Variants in PTPN13 observed in about 807,000 individuals in gnomAD.
PTPN13 encodes tyrosine-protein phosphatase non-receptor type 13.
PTPN13 carries 191 observed loss-of-function variants against 284.0 expected under a neutral mutation model. That is an observed-to-expected ratio of 0.67 (90% CI 0.60 to 0.76). The LOEUF is 0.76. PTPN13 is among the 30% of genes least tolerant of loss of function. PTPN13 has a pLI of 0.00. For missense variants in PTPN13, 2,797 were observed against 2,939.9 expected (o/e 0.95, Z 1.12); for synonymous variants, 986 against 1,022.3 (o/e 0.96, Z 0.68).
intron 20 of PTPN13, among the ~76,000 whole-genome samples, chr4:86,756,959 T>C (rs1738048045): frequency 6.6e-6 from 1 of 152,160 alleles, no homozygotes; most frequent in South Asian, 2.1e-4. Context: ...TAGAGTTGAA[T>C]TTGAAAATTC....
rs1335400885 is a variant in PTPN13, at chr4:86,758,414, A to G, written c.3313+65A>G. On this transcript the variant is annotated intron_variant, in intron 21 of 47. Transcript: ENST00000411767. ...GGGATTCAGAGGAAAAGTCTATAGC[A>G]TAGCATTGGCATTGCAGTGCCAGCT... The G allele has an allele frequency of 1.1e-5, 15 of 1,347,020 alleles. No individual in the cohort carries two copies. In the South Asian group the frequency reaches 1.9e-4, roughly 17 times the overall value. The allele number at this position is 1,347,020 out of a possible 1,614,324, so 83.4% of individuals were successfully genotyped here.
At chr4:86,689,478 C>A in intron 5 of PTPN13, 1 of 570,092 alleles carries the variant, frequency 1.8e-6, no homozygotes, top group South Asian at 2.5e-5. Context: ...AGATCTTTTC[C>A]CAAGGAGCTT....
intron 45 of PTPN13, 47 bp downstream of exon 45, chr4:86,807,944 G>A: frequency 6.6e-7 from 1 of 1,505,062 alleles, no homozygotes. Context: ...TCTCCTAGTT[G>A]TAATCCAAGC....
intron 35 of PTPN13, among the ~76,000 whole-genome samples, chr4:86,778,203 A>G (rs1565556021): frequency 6.6e-6 from 1 of 152,202 alleles, no homozygotes; most frequent in Non-Finnish European, 1.5e-5. Context: ...TCCACCTTCT[A>G]GAGACTCCTC....
intron 40 of PTPN13, among the ~76,000 whole-genome samples, chr4:86,793,062 G>A (rs1437843298): frequency 1.3e-5 from 2 of 152,140 alleles, no homozygotes; most frequent in South Asian, 2.1e-4. Context: ...GACACAGACT[G>A]GCAATTGGAT....
intron 40 of PTPN13, among the ~76,000 whole-genome samples, chr4:86,792,718 G>A (rs979435572): frequency 1.5e-4 from 23 of 152,176 alleles, no homozygotes; most frequent in African/African-American, 5.1e-4. Context: ...CATTCTTAAA[G>A]GAAAGAATGT....
rs1223358195 is a variant in PTPN13, at chr4:86,807,642, G to T, written c.6828G>T (p.Glu2276Asp). ...TTAAGATACCAGTTGGGAAAGAAGA[G>T]TTCGTTTACATTGCCTGCCAAGGAC... is the stretch of plus-strand genomic sequence containing the variant. ...SFIKIPVGKE[E>D]FVYIACQGPL... Residue 2276 changes from glutamate to aspartate, a missense_variant, in exon 45 of 48, where the codon GAG (glutamate) becomes GAT (aspartate). Glu to Asp is a conservative substitution (Grantham distance 45). Transcript: ENST00000411767. 2 of 1,614,002 alleles carry T rather than the reference G, an allele frequency of 1.2e-6. No individual in the cohort carries two copies. Among genetic ancestry groups the T allele is most frequent in the Non-Finnish European group, 1.7e-6 (2 of 1,179,886 alleles).
chr4:86,670,640 T>G (rs1326093642), intron 2 of PTPN13, among the ~76,000 whole-genome samples: 1 of 152,222 alleles, frequency 6.6e-6, no homozygotes, highest in Non-Finnish European at 1.5e-5. Context: ...GTCTTCCTAA[T>G]TGGTCTCCTA....
At chr4:86,604,679 G>A (rs937276012) in intron 1 of PTPN13, among the ~76,000 whole-genome samples, 9 of 151,794 alleles carry the variant, frequency 5.9e-5, no homozygotes, top group South Asian at 2.1e-4. Flanking sequence ...AGCATTATTC[G>A]ACCATTTAAA....
At chr4:86,649,248 CA>C (rs1724806700) in intron 2 of PTPN13, among the ~76,000 whole-genome samples, 1 of 151,986 alleles carries the variant, frequency 6.6e-6, no homozygotes, top group South Asian at 2.1e-4. Flanking sequence ...TTGCTATGAA[CA>C]AAAATGGTTT....
Position 86,799,180 on chromosome 4 carries a change from A to G in PTPN13, c.6481A>G (p.Thr2161Ala), listed in dbSNP as rs116619082. Residue 2161 changes from threonine to alanine, a missense_variant, in exon 42 of 48, where the codon ACA becomes GCA. Coordinates refer to ENST00000411767, the MANE Select transcript of PTPN13 (RefSeq NM_080683.3). ...WGNDELPIER[T>A]NHEDSDKDHS... Reference sequence around the variant, plus strand: ...AAATGATGAGTTGCCAATAGAGAGAACAAACCATGAAGATTCTGATAAAGG... The same window carrying G: ...AAATGATGAGTTGCCAATAGAGAGAGCAAACCATGAAGATTCTGATAAAGG... 1,465 of 1,574,222 alleles carry G rather than the reference A, an allele frequency of 9.3e-4. 19 individuals are homozygous for G. In the African/African-American group the frequency reaches 0.018, roughly 19 times the overall value.
At position 86,750,453 on chromosome 4, in the gene PTPN13, A is replaced by C; in HGVS notation, c.2651-17A>C. The C allele has an allele frequency of 1.9e-6, 3 of 1,596,552 alleles. No homozygotes were observed. Among genetic ancestry groups the C allele is most frequent in the South Asian group, 1.1e-5 (1 of 88,054 alleles). On this transcript the variant is annotated splice_polypyrimidine_tract_variant and intron_variant, in intron 17 of 47. Transcript: ENST00000411767. Reference sequence around the variant, plus strand: ...TGTGGCGTTACCATCATGTAAAGCAATCCTATTTCCTTGTAGAGAGAGCTT... The same window carrying C: ...TGTGGCGTTACCATCATGTAAAGCACTCCTATTTCCTTGTAGAGAGAGCTT...
At chr4:86,666,691 G>T (rs150118677) in intron 2 of PTPN13, among the ~76,000 whole-genome samples, 191 of 152,316 alleles carry the variant, frequency 1.3e-3, no homozygotes, top group African/African-American at 4.2e-3. Context: ...ACCAAATTTT[G>T]TAGGCAGGCT....
intron 7 of PTPN13, among the ~76,000 whole-genome samples, chr4:86,705,288 C>G (rs182141944): frequency 5.7e-4 from 79 of 138,336 alleles, no homozygotes; most frequent in Non-Finnish European, 5.6e-4. Context: ...GAGCCAAGAT[C>G]GTGCCATTGC....
At chr4:86,705,462 GAC>G (rs988156950) in intron 7 of PTPN13, among the ~76,000 whole-genome samples, 3 of 150,420 alleles carry the variant, frequency 2.0e-5, no homozygotes, top group African/African-American at 7.5e-5. Context: ...TCTAGTGAGA[GAC>G]AGGCTTCACA....
intron 20 of PTPN13, among the ~76,000 whole-genome samples, chr4:86,758,055 A>C (rs1738188735): frequency 6.6e-6 from 1 of 152,206 alleles, no homozygotes; most frequent in South Asian, 2.1e-4. Flanking sequence ...ATAGCTTATG[A>C]AGAATAAATG....
chr4:86,730,736 A>C lies in PTPN13; in HGVS notation c.1609-1664A>C, dbSNP rs551490272. 5.3e-5 allele frequency among the ~76,000 whole-genome samples: 8 copies of C among 150,006 alleles called. No individual in the cohort carries two copies. The East Asian group carries it at 1.5e-3, about 29-fold the overall frequency. On this transcript the variant is annotated intron_variant, in intron 10 of 47. Transcript: ENST00000411767. The stretch of plus-strand genomic sequence containing the variant: ...CAGCTTCCCTTGGCTAGGAAAGGGA[A>C]ATCCCTCTATCCCTTGGGCTTCCTG...
At chr4:86,617,027 AT>A (rs1720629266) in intron 1 of PTPN13, among the ~76,000 whole-genome samples, 1 of 147,936 alleles carries the variant, frequency 6.8e-6, no homozygotes, top group South Asian at 2.1e-4. Flanking sequence ...GGAATTTAAA[AT>A]TTTTATTCTA....
chr4:86,661,007 G>T, intron 2 of PTPN13: 1 of 371,860 alleles, frequency 2.7e-6, no homozygotes, highest in Non-Finnish European at 5.2e-6. Context: ...TATTATTGTT[G>T]AGGTATAACA....
Sources: gnomAD v4.1 joint callset for allele counts (sites outside exome capture counted in the v4.1 genomes callset) on GRCh38, gnomAD v4.1.1 for gene constraint, MANE v1.5 for transcripts, NCBI Gene and HGNC (gene_info 2026-07-23, HGNC 2026-07-21) for gene names.